The following ADARB2 variants were observed in gnomAD, a reference collection of about 807,000 sequenced individuals.
The protein encoded by ADARB2 is inactive double-stranded RNA-specific editase B2.
ADARB2 carries 25 observed loss-of-function variants against 62.2 expected under a neutral mutation model. That is an observed-to-expected ratio of 0.40 (90% CI 0.29 to 0.56). The LOEUF (loss-of-function observed/expected upper bound fraction) is 0.56. Among genes scored for constraint, ADARB2 ranks in the 20% least tolerant of loss-of-function variants. The pLI, the probability that ADARB2 is intolerant of heterozygous loss-of-function variation, is 0.43. For missense variants in ADARB2, 1,071 were observed against 1,077.4 expected (o/e 0.99, Z 0.08); for synonymous variants, 572 against 500.8 (o/e 1.14, Z -1.90).
intron 1 of ADARB2, among the ~76,000 whole-genome samples, chr10:1,388,937 G>A (rs1348836337): frequency 6.6e-6 from 1 of 152,178 alleles, no homozygotes; most frequent in Non-Finnish European, 1.5e-5. Context: ...ATGTAGTAAT[G>A]GCGTAAGGCT....
At position 1,183,115 on chromosome 10, in the gene ADARB2, G is replaced by A. The variant is rs1230318551; in HGVS notation, c.*78C>T. On this transcript the variant is annotated 3_prime_UTR_variant, in exon 10 of 10. Coordinates refer to ENST00000381312, the MANE Select transcript of ADARB2 (RefSeq NM_018702.4). Reference sequence around the variant, plus strand: ...GTAAAACGAATGCAGGGAACCGGCCGACCCGCCACGTCGCCCCCCAGACAC... The same window carrying A: ...GTAAAACGAATGCAGGGAACCGGCCAACCCGCCACGTCGCCCCCCAGACAC... The A allele has an allele frequency of 3.9e-6, 6 of 1,521,604 alleles. No individual in the cohort carries two copies. Among genetic ancestry groups the A allele is most frequent in the Admixed American group, 2.0e-5 (1 of 51,096 alleles). 94.3% of individuals were successfully genotyped at this position (1,521,604 alleles called of 1,614,324 possible).
chr10:1,304,811 A>G (rs1411554873), intron 3 of ADARB2, among the ~76,000 whole-genome samples: 2 of 148,878 alleles, frequency 1.3e-5, no homozygotes, highest in Admixed American at 6.8e-5. Flanking sequence ...AGAAATAAAG[A>G]TGTTCTTTGA....
intron 1 of ADARB2, chr10:1,675,184 G>A (rs955182723): frequency 1.0e-6 from 1 of 983,936 alleles, no homozygotes; most frequent in Non-Finnish European, 1.2e-6. Flanking sequence ...TGGGTTCAGG[G>A]ATGCATGGAA....
In ADARB2 at chr10:1,252,672, T is replaced by A. The variant is rs560698012; in HGVS notation, c.1193-10373A>T. On this transcript the variant is annotated intron_variant, in intron 4 of 9. Transcript: ENST00000381312. ...TCCTGCAAGCCAATTTTTTTTTTTT[T>A]AAATCTTCTGGTGTTTCTGCTTCCA... Among the ~76,000 whole-genome samples the A allele has an allele frequency of 6.6e-4, 94 of 143,372 alleles. No homozygotes were observed. The East Asian group carries it at 0.013, about 19-fold the overall frequency. 94.1% of individuals were successfully genotyped at this position (143,372 alleles called of 152,430 possible). A position where few individuals can be genotyped will look rare whatever the true frequency, so the allele number is the denominator to read the frequency against.
chr10:1,263,154 A>T (rs1831159904), intron 4 of ADARB2, among the ~76,000 whole-genome samples: 1 of 135,654 alleles, frequency 7.4e-6, no homozygotes, highest in Non-Finnish European at 1.6e-5. Context: ...GGGGGGAGGG[A>T]TAGCATTAGG....
intron 1 of ADARB2, among the ~76,000 whole-genome samples, chr10:1,668,555 T>C (rs767222708): frequency 2.0e-5 from 3 of 152,158 alleles, no homozygotes; most frequent in Non-Finnish European, 4.4e-5. Flanking sequence ...ATCGGCTCAC[T>C]GGAGGTCAGG....
At chr10:1,308,313 TTA>T (rs1440412110) in intron 3 of ADARB2, among the ~76,000 whole-genome samples, 1 of 152,166 alleles carries the variant, frequency 6.6e-6, no homozygotes, top group East Asian at 1.9e-4. Flanking sequence ...CAATATGCAT[TTA>T]TGTTTCCTCC....
At chr10:1,555,966 A>G (rs1832694510) in intron 1 of ADARB2, among the ~76,000 whole-genome samples, 1 of 152,234 alleles carries the variant, frequency 6.6e-6, no homozygotes, top group Admixed American at 6.5e-5. Flanking sequence ...AACTGAAAAC[A>G]TACATGTTGT....
chr10:1,491,427 C>G (rs921960916), intron 1 of ADARB2, among the ~76,000 whole-genome samples: 2 of 152,146 alleles, frequency 1.3e-5, no homozygotes, highest in Non-Finnish European at 2.9e-5. Flanking sequence ...GTTTTACAAT[C>G]TTACTGACAC....
intron 1 of ADARB2, among the ~76,000 whole-genome samples, chr10:1,701,985 A>T (rs1588358604): frequency 1.3e-5 from 2 of 152,254 alleles, no homozygotes; most frequent in African/African-American, 4.8e-5. Context: ...AGGGAAATGA[A>T]GAAAGACTGT....
intron 1 of ADARB2, among the ~76,000 whole-genome samples, chr10:1,582,468 C>G (rs186083411): frequency 6.6e-6 from 1 of 152,308 alleles, no homozygotes; most frequent in East Asian, 1.9e-4. Context: ...GTCAGAAGAC[C>G]AGAAATGGCC....
chr10:1,230,792 A>G (rs1159271305), intron 6 of ADARB2, among the ~76,000 whole-genome samples: 2 of 152,124 alleles, frequency 1.3e-5, no homozygotes, highest in Non-Finnish European at 2.9e-5. Flanking sequence ...AGAGCGGAGG[A>G]GTGGCACCAG....
At chr10:1,424,202 AG>A (rs1832876402) in intron 1 of ADARB2, among the ~76,000 whole-genome samples, 1 of 152,252 alleles carries the variant, frequency 6.6e-6, no homozygotes, top group Non-Finnish European at 1.5e-5. Flanking sequence ...TTATGTATGT[AG>A]TAGGTCTGCA....
At chr10:1,688,560 G>A (rs1834626755) in intron 1 of ADARB2, among the ~76,000 whole-genome samples, 2 of 152,216 alleles carry the variant, frequency 1.3e-5, no homozygotes, top group African/African-American at 4.8e-5. Flanking sequence ...AAACATCACT[G>A]TGGCAGGAAA....
At chr10:1,379,273 T>C in intron 1 of ADARB2, 113 bp from the exon 2 acceptor site, 1 of 817,254 alleles carries the variant, frequency 1.2e-6, no homozygotes, top group South Asian at 1.5e-5. Context: ...GAGGTCACTT[T>C]GGTTTCAGCC....
At chr10:1,454,525 T>A (rs1261442406) in intron 1 of ADARB2, among the ~76,000 whole-genome samples, 3 of 152,190 alleles carry the variant, frequency 2.0e-5, no homozygotes, top group Admixed American at 6.5e-5. Flanking sequence ...TGACACATGT[T>A]ACAACATGGA....
At position 1,344,277 on chromosome 10, in the gene ADARB2, G is replaced by A. The variant is rs60646890; in HGVS notation, c.1077+18751C>T. 9.3e-3 allele frequency among the ~76,000 whole-genome samples: 1,422 copies of A among 152,304 alleles called. 23 individuals are homozygous for A. Among genetic ancestry groups the A allele is most frequent in the African/African-American group, 0.033 (1,361 of 41,540 alleles). On this transcript the variant is annotated intron_variant, in intron 3 of 9. Coordinates refer to ENST00000381312, the MANE Select transcript of ADARB2 (RefSeq NM_018702.4). ...GAAATAGGTTCCTTTGTTCAGCAGCGAGAGGACTCAGTCAAGGTCATGTGT... is the reference window on the plus strand; with the variant it reads ...GAAATAGGTTCCTTTGTTCAGCAGCAAGAGGACTCAGTCAAGGTCATGTGT...
chr10:1,538,796 C>CT (rs1489576357), intron 1 of ADARB2, among the ~76,000 whole-genome samples: 1 of 152,230 alleles, frequency 6.6e-6, no homozygotes, highest in Admixed American at 6.5e-5. Context: ...GGAGAAGCCT[C>CT]TGCTGCCCAT....
chr10:1,718,970 T>C (rs886268403), intron 1 of ADARB2, among the ~76,000 whole-genome samples: 1 of 131,604 alleles, frequency 7.6e-6, no homozygotes, highest in African/African-American at 3.4e-5. Context: ...TATCTTTACC[T>C]TCTTTTTGTT....
Sources: allele counts gnomAD v4.1 joint callset (sites outside exome capture counted in the v4.1 genomes callset), GRCh38; gene constraint gnomAD v4.1.1; transcripts MANE v1.5; gene names NCBI Gene and HGNC (gene_info 2026-07-23, HGNC 2026-07-21).